Variants in DISP1 observed in about 807,000 individuals in gnomAD.
DISP1 encodes dispatched RND transporter family member 1.
Under a neutral mutation model 37.3 loss-of-function variants are expected in DISP1, and 30 were observed. The observed-to-expected ratio is 0.80, with a 90% CI of 0.60 to 1.09. DISP1 has a LOEUF of 1.09. DISP1 is among the 50% of genes least tolerant of loss of function. The pLI is 0.00. For missense variants in DISP1, 1,598 were observed against 1,879.5 expected (o/e 0.85, Z 2.77); for synonymous variants, 634 against 690.2 (o/e 0.92, Z 1.28).
At chr1:222,945,115 C>T (rs1453986012) in intron 3 of DISP1, among the ~76,000 whole-genome samples, 1 of 152,128 alleles carries the variant, frequency 6.6e-6, no homozygotes. Flanking sequence ...TCTGGTTACA[C>T]TCTTTTTAAA....
At chr1:222,956,527 A>T (rs1378595068) in intron 3 of DISP1, among the ~76,000 whole-genome samples, 1 of 152,170 alleles carries the variant, frequency 6.6e-6, no homozygotes, top group East Asian at 1.9e-4. Flanking sequence ...TTTCATTGTA[A>T]AGCAATCCCT....
intron 1 of DISP1, among the ~76,000 whole-genome samples, chr1:222,919,719 C>T (rs1488982975): frequency 6.6e-6 from 1 of 152,174 alleles, no homozygotes; most frequent in African/African-American, 2.4e-5. Flanking sequence ...ATAACTAATG[C>T]ACGTGTTTTC....
intron 2 of DISP1, among the ~76,000 whole-genome samples, chr1:222,933,369 T>A (rs1458513167): frequency 2.0e-5 from 3 of 151,914 alleles, no homozygotes; most frequent in Non-Finnish European, 4.4e-5. Context: ...CTAAAAATGT[T>A]AGGCGTATTT....
intron 3 of DISP1, among the ~76,000 whole-genome samples, chr1:222,962,638 C>T (rs764312820): frequency 3.9e-5 from 6 of 152,094 alleles, no homozygotes; most frequent in Non-Finnish European, 7.4e-5. Context: ...CATGTACAAC[C>T]ATCTGATCTT....
At chr1:222,850,098 A>G (rs568491458) in intron 1 of DISP1, among the ~76,000 whole-genome samples, 4 of 152,304 alleles carry the variant, frequency 2.6e-5, no homozygotes, top group South Asian at 4.1e-4. Flanking sequence ...GATAAGCCCC[A>G]TAGGGTTTCT....
At chr1:222,990,797 GTGTATTTTAATACA>G (rs756166176) in intron 5 of DISP1, 49 bp downstream of exon 5, 5 of 1,608,714 alleles carry the variant, frequency 3.1e-6, no homozygotes, top group Non-Finnish European at 4.3e-6. Context: ...TCCAAATATT[GTGTATTTTAATACA>G]TGTTGCATTA....
chr1:222,946,544 C>G (rs1382648420), intron 3 of DISP1, among the ~76,000 whole-genome samples: 4 of 152,096 alleles, frequency 2.6e-5, no homozygotes, highest in Non-Finnish European at 5.9e-5. Context: ...TCTACATTTA[C>G]TTATATAATC....
At chr1:222,988,003 AAGG>A (rs1007178988) in intron 4 of DISP1, among the ~76,000 whole-genome samples, 31 of 152,334 alleles carry the variant, frequency 2.0e-4, no homozygotes, top group African/African-American at 7.2e-4. Context: ...GAAATAAAGT[AAGG>A]AGAATATTTT....
chr1:222,837,044 A>C, intron 1 of DISP1: 1 of 398,446 alleles, frequency 2.5e-6, no homozygotes, highest in Non-Finnish European at 4.4e-6. Context: ...CCATGACTAC[A>C]CAAGTGCAAC....
intron 1 of DISP1, among the ~76,000 whole-genome samples, chr1:222,853,453 G>A (rs1668382196): frequency 6.6e-6 from 1 of 152,140 alleles, no homozygotes; most frequent in Non-Finnish European, 1.5e-5. Flanking sequence ...CATATTTATT[G>A]CAGCATTATT....
At chr1:222,917,408 T>G (rs1672556319) in intron 1 of DISP1, among the ~76,000 whole-genome samples, 1 of 152,042 alleles carries the variant, frequency 6.6e-6, no homozygotes, top group Admixed American at 6.6e-5. Flanking sequence ...GAGGAAGGTA[T>G]GCTGGAACAG....
chr1:222,933,450 C>A (rs1673525922), intron 2 of DISP1, among the ~76,000 whole-genome samples: 1 of 151,890 alleles, frequency 6.6e-6, no homozygotes, highest in African/African-American at 2.4e-5. Context: ...AGTATGTTCT[C>A]ACTGTAAAAG....
At chr1:222,982,265 C>G (rs2789945) in intron 3 of DISP1, among the ~76,000 whole-genome samples, 51,991 of 152,100 alleles carry the variant, frequency 0.34, 9,242 homozygotes, top group South Asian at 0.44. Context: ...GCTTTACACA[C>G]ATCTGTAGTT....
In DISP1 at chr1:222,991,515, C is replaced by G. The variant is rs1187852513; in HGVS notation, c.664-5C>G. The G allele has an allele frequency of 1.9e-6, 3 of 1,613,516 alleles. No individual in the cohort carries two copies. Among genetic ancestry groups the G allele is most frequent in the Non-Finnish European group, 1.7e-6 (2 of 1,179,750 alleles). ...TACTAATGAGCACCTGTAATTTTGCCTTAGGGTTTTGAACCAAGAGGAACA... is the reference window on the plus strand; with the variant it reads ...TACTAATGAGCACCTGTAATTTTGCGTTAGGGTTTTGAACCAAGAGGAACA... On this transcript the variant is annotated splice_region_variant and splice_polypyrimidine_tract_variant and intron_variant, in intron 5 of 8. Coordinates refer to ENST00000675850, the MANE Select transcript of DISP1 (RefSeq NM_001377229.1).
At chr1:222,937,075 TTTAATATATTACAG>T (rs1192114625) in intron 2 of DISP1, among the ~76,000 whole-genome samples, 2 of 2,880 alleles carry the variant, frequency 6.9e-4, no homozygotes, top group African/African-American at 3.2e-3. Context: ...TAATATATTA[TTTAATATATTACAG>T]TTTATATATA....
intron 1 of DISP1, among the ~76,000 whole-genome samples, chr1:222,887,790 G>A (rs960799480): frequency 9.1e-6 from 1 of 109,372 alleles, no homozygotes; most frequent in African/African-American, 3.2e-5. Context: ...GAGCCACCGC[G>A]CCCGGCCTGT....
chr1:222,918,932 A>G (rs1672650874), intron 1 of DISP1, among the ~76,000 whole-genome samples: 1 of 152,230 alleles, frequency 6.6e-6, no homozygotes, highest in African/African-American at 2.4e-5. Flanking sequence ...GGGTTGATTT[A>G]CTAATGTGGG....
At chr1:222,899,095 A>G (rs995148622) in intron 1 of DISP1, among the ~76,000 whole-genome samples, 2 of 152,140 alleles carry the variant, frequency 1.3e-5, no homozygotes, top group African/African-American at 2.4e-5. Flanking sequence ...TTATGTAAGA[A>G]TATTTTATAT....
intron 2 of DISP1, among the ~76,000 whole-genome samples, chr1:222,936,581 TATATATGAGAG>T (rs1185881383): frequency 1.7e-4 from 3 of 17,768 alleles, no homozygotes; most frequent in Non-Finnish European, 2.3e-4. Flanking sequence ...ATATATATCA[TATATATGAGAG>T]ATATATATCT....
Sources: gnomAD v4.1 joint callset for allele counts (sites outside exome capture counted in the v4.1 genomes callset) on GRCh38, gnomAD v4.1.1 for gene constraint, MANE v1.5 for transcripts, NCBI Gene and HGNC (gene_info 2026-07-23, HGNC 2026-07-21) for gene names.